The following ZFHX3 variants were observed in gnomAD, a reference collection of about 807,000 sequenced individuals.
ZFHX3 encodes zinc finger homeobox protein 3.
ZFHX3 carries 42 observed loss-of-function variants against 279.1 expected under a neutral mutation model. The observed-to-expected ratio is 0.15, with a 90% confidence interval of 0.12 to 0.19. The LOEUF is 0.19. Among genes scored for constraint, ZFHX3 ranks in the 10% least tolerant of loss-of-function variants. The pLI is 1.00. For synonymous variants in ZFHX3, 2,293 were observed against 1,957.8 expected (o/e 1.17, Z -4.52); for missense variants, 4,981 against 4,754.0 (o/e 1.05, Z -1.40).
At chr16:73,357,510 A>G (rs1272721022) in intron 3 of ZFHX3, among the ~76,000 whole-genome samples, 2 of 152,188 alleles carry the variant, frequency 1.3e-5, no homozygotes, top group Non-Finnish European at 2.9e-5. Flanking sequence ...AGAGACAGAA[A>G]GACCCTGTTG....
chr16:73,212,766 T>C (rs1275287224), intron 5 of ZFHX3, among the ~76,000 whole-genome samples: 1 of 152,198 alleles, frequency 6.6e-6, no homozygotes, highest in Non-Finnish European at 1.5e-5. Context: ...GAGTTGGCAT[T>C]ACAAATATGC....
chr16:73,093,607 A>G (rs773534700), intron 7 of ZFHX3: 4 of 509,048 alleles, frequency 7.9e-6, no homozygotes, highest in Non-Finnish European at 1.6e-5. Flanking sequence ...TCCTGCAAAC[A>G]GACAGCACGG....
At chr16:72,829,964 C>T in intron 4 of ZFHX3, 105 bp from the exon 5 acceptor site, 2 of 1,158,662 alleles carry the variant, frequency 1.7e-6, no homozygotes, top group Non-Finnish European at 2.5e-6. Context: ...ACACCAATGA[C>T]TCGTCCCCCT....
rs1240824182 is a variant in ZFHX3 at position 72,889,905 on chromosome 16, G to C, written c.3274C>G (p.Leu1092Val). ...TTGGCCTTGGTGGAGTAGTTGCACA[G>C]AACGCAGTGGTAGTAGCAGCTCTCA... is the stretch of plus-strand genomic sequence containing the variant. ...EGESCYYHCV[L>V]CNYSTKAKLN... Residue 1092 changes from leucine to valine, a missense_variant, in exon 4 of 10, where the codon CTG (leucine) becomes GTG (valine). Coordinates refer to ENST00000268489, the MANE Select transcript of ZFHX3 (RefSeq NM_006885.4). The C allele has an allele frequency of 1.2e-6, 2 of 1,614,212 alleles. No individual in the cohort carries two copies. The highest frequency in any genetic ancestry group is 1.7e-6 in the Non-Finnish European group (2 of 1,180,046).
intron 3 of ZFHX3, among the ~76,000 whole-genome samples, chr16:73,393,797 G>A (rs1235763337): frequency 6.6e-6 from 1 of 151,796 alleles, no homozygotes; most frequent in Non-Finnish European, 1.5e-5. Flanking sequence ...AGAAAACACT[G>A]AAGTGTTCAA....
chr16:73,297,974 C>T (rs1417650138), intron 4 of ZFHX3, among the ~76,000 whole-genome samples: 1 of 151,558 alleles, frequency 6.6e-6, no homozygotes, highest in Non-Finnish European at 1.5e-5. Context: ...CACTTGAATC[C>T]AGGAATTTGA....
intron 2 of ZFHX3, among the ~76,000 whole-genome samples, chr16:73,502,884 G>A (rs2019263910): frequency 6.6e-6 from 1 of 152,224 alleles, no homozygotes; most frequent in Non-Finnish European, 1.5e-5. Flanking sequence ...ATTAACTGAG[G>A]CAAGCTCAGT....
At chr16:72,902,071 T>C (rs2039051971) in intron 3 of ZFHX3, among the ~76,000 whole-genome samples, 1 of 152,256 alleles carries the variant, frequency 6.6e-6, no homozygotes, top group Admixed American at 6.5e-5. Context: ...TTGAATTTCC[T>C]TTTTATAACT....
At chr16:73,457,213 G>T (rs182115791) in intron 2 of ZFHX3, among the ~76,000 whole-genome samples, 1 of 152,136 alleles carries the variant, frequency 6.6e-6, no homozygotes, top group Non-Finnish European at 1.5e-5. Context: ...CTTCCAAGAG[G>T]TGGCATCTCT....
intron 8 of ZFHX3, among the ~76,000 whole-genome samples, chr16:73,085,818 A>G (rs1966004666): frequency 6.6e-6 from 1 of 152,080 alleles, no homozygotes. Context: ...TCAAAAGCAA[A>G]ATTAGAAAAA....
intron 1 of ZFHX3, among the ~76,000 whole-genome samples, chr16:73,004,712 A>G (rs1963644323): frequency 6.6e-6 from 1 of 152,200 alleles, no homozygotes; most frequent in Non-Finnish European, 1.5e-5. Context: ...CATATGCCTT[A>G]AAATTTTGTG....
chr16:73,362,174 C>T (rs2016443977), intron 3 of ZFHX3, among the ~76,000 whole-genome samples: 1 of 152,216 alleles, frequency 6.6e-6, no homozygotes, highest in East Asian at 1.9e-4. Flanking sequence ...TTCCCTGCTA[C>T]ATTCCCTACG....
At chr16:73,036,199 G>C (rs1368903288) in intron 1 of ZFHX3, among the ~76,000 whole-genome samples, 1 of 152,210 alleles carries the variant, frequency 6.6e-6, no homozygotes, top group East Asian at 1.9e-4. Context: ...GGAAGGTGCA[G>C]GCAGCACAGA....
chr16:73,230,946 C>T (rs112794828), intron 5 of ZFHX3, among the ~76,000 whole-genome samples: 13 of 152,318 alleles, frequency 8.5e-5, no homozygotes, highest in Middle Eastern at 6.8e-3. Context: ...CTCTAGATAG[C>T]TATCTCAAAG....
At chr16:73,303,541 A>G (rs1335934020) in intron 4 of ZFHX3, among the ~76,000 whole-genome samples, 1 of 152,190 alleles carries the variant, frequency 6.6e-6, no homozygotes, top group African/African-American at 2.4e-5. Flanking sequence ...AACGGCCTCA[A>G]TGATGTCAGT....
intron 7 of ZFHX3, among the ~76,000 whole-genome samples, chr16:72,804,282 C>T (rs1420589632): frequency 6.6e-6 from 1 of 152,210 alleles, no homozygotes; most frequent in Non-Finnish European, 1.5e-5. Context: ...AAACACTGTA[C>T]AGGATCCATG....
Position 72,797,660 on chromosome 16 carries a change from A to G in ZFHX3, c.5022T>C (p.Ala1674=), listed in dbSNP as rs202140804. The change falls in exon 9 of 10, where the codon GCT becomes GCC. Residue 1674 remains alanine, a synonymous_variant. Coordinates refer to ENST00000268489, the MANE Select transcript of ZFHX3 (RefSeq NM_006885.4). ...CTTGGCTTAGTAAGTTAGAGCTTGG[A>G]GCAATGCCAGCACTGCTTGGATTGG... is the stretch of plus-strand genomic sequence containing the variant. ...TTSNPSSAGI[A]PSSNLLSQVP... 1.2e-6 allele frequency: 2 copies of G among 1,614,060 alleles called. No individual in the cohort carries two copies. Among genetic ancestry groups the G allele is most frequent in the Non-Finnish European group, 1.7e-6 (2 of 1,180,010 alleles).
chr16:73,707,923 T>C (rs2053320765), intron 1 of ZFHX3, among the ~76,000 whole-genome samples: 1 of 151,974 alleles, frequency 6.6e-6, no homozygotes, highest in Non-Finnish European at 1.5e-5. Flanking sequence ...ACACAGGAGA[T>C]TTCCAATGGA....
intron 7 of ZFHX3, among the ~76,000 whole-genome samples, chr16:73,113,724 T>C (rs1966402852): frequency 6.6e-6 from 1 of 151,994 alleles, no homozygotes; most frequent in Non-Finnish European, 1.5e-5. Flanking sequence ...GATGCATCCA[T>C]TTCTACATTA....
Sources: allele counts gnomAD v4.1 joint callset (sites outside exome capture counted in the v4.1 genomes callset), GRCh38; gene constraint gnomAD v4.1.1; transcripts MANE v1.5; gene names NCBI Gene and HGNC (gene_info 2026-07-23, HGNC 2026-07-21).